Variants in GRTP1 observed in about 807,000 individuals in gnomAD.
The protein encoded by GRTP1 is growth hormone-regulated TBC protein 1.
A neutral mutation model predicts 38.1 loss-of-function variants in GRTP1; 56 were observed. That is an observed-to-expected ratio of 1.47 (90% CI 1.19 to 1.84). The LOEUF (loss-of-function observed/expected upper bound fraction) is 1.84, where lower values mean the gene tolerates loss of function less well. Among genes scored for constraint, GRTP1 ranks in the 40% most tolerant of loss-of-function variants. The pLI is 0.00. For synonymous variants in GRTP1, 217 were observed against 189.5 expected (o/e 1.14, Z -1.19); for missense variants, 506 against 453.9 (o/e 1.11, Z -1.04).
At chr13:113,335,812 G>A (rs1410718643) in intron 5 of GRTP1, among the ~76,000 whole-genome samples, 2 of 151,020 alleles carry the variant, frequency 1.3e-5, no homozygotes, top group East Asian at 3.9e-4. Flanking sequence ...TTCTTTTTGA[G>A]ATGGAGTCTT....
rs144154013 is a variant in GRTP1 at position 113,358,772 on chromosome 13, T to C, written c.182-3291A>G. Reference sequence around the variant, plus strand: ...AAAAAACACCAACAATATGAAGAGCTGGCAAGAATGTGGAGCAATTAGGAC... The same window carrying C: ...AAAAAACACCAACAATATGAAGAGCCGGCAAGAATGTGGAGCAATTAGGAC... On this transcript the variant is annotated intron_variant, in intron 2 of 7. Coordinates refer to ENST00000375431, the MANE Select transcript of GRTP1 (RefSeq NM_024719.4). 4.8e-3 allele frequency among the ~76,000 whole-genome samples: 729 copies of C among 152,320 alleles called. 20 individuals are homozygous for C. Among genetic ancestry groups the C allele is most frequent in the Admixed American group, 0.036 (556 of 15,294 alleles).
intron 7 of GRTP1, chr13:113,324,988 C>G (rs769916682): frequency 5.1e-4 from 291 of 575,624 alleles, no homozygotes; most frequent in Non-Finnish European, 6.0e-4. Flanking sequence ...GCCACCACAC[C>G]TGGCTAATTT....
At chr13:113,333,615 G>A (rs1013872947) in intron 5 of GRTP1, among the ~76,000 whole-genome samples, 17 of 151,472 alleles carry the variant, frequency 1.1e-4, no homozygotes, top group Admixed American at 3.3e-4. Context: ...GACAATTCTC[G>A]TGCCTCAGCC....
At chr13:113,335,413 ACT>A (rs1313509331) in intron 5 of GRTP1, among the ~76,000 whole-genome samples, 1 of 137,070 alleles carries the variant, frequency 7.3e-6, no homozygotes, top group African/African-American at 2.7e-5. Context: ...ACAGAGCGGG[ACT>A]CTGTCTCACA....
chr13:113,334,628 A>G (rs1399933691), intron 5 of GRTP1, among the ~76,000 whole-genome samples: 1 of 152,064 alleles, frequency 6.6e-6, no homozygotes, highest in African/African-American at 2.4e-5. Context: ...AAAGCACGTA[A>G]TCCTTCAGGC....
At chr13:113,360,273 G>C (rs1233292067) in intron 2 of GRTP1, 1 of 152,102 alleles carries the variant, frequency 6.6e-6, no homozygotes, top group African/African-American at 2.4e-5. Flanking sequence ...AAGGGCTCCT[G>C]GTGGATATTT....
chr13:113,361,149 A>G (rs1015368143), intron 2 of GRTP1, among the ~76,000 whole-genome samples: 11 of 151,254 alleles, frequency 7.3e-5, no homozygotes, highest in African/African-American at 2.4e-4. Flanking sequence ...AAAAAGAAGA[A>G]AGTTGTTACT....
At chr13:113,357,879 T>G (rs1270274075) in intron 2 of GRTP1, among the ~76,000 whole-genome samples, 2 of 152,026 alleles carry the variant, frequency 1.3e-5, no homozygotes, top group Non-Finnish European at 2.9e-5. Context: ...CACCTGGAAA[T>G]CATATATTTA....
intron 5 of GRTP1, among the ~76,000 whole-genome samples, chr13:113,331,989 C>T (rs2042877997): frequency 6.6e-6 from 1 of 151,034 alleles, no homozygotes; most frequent in Admixed American, 6.6e-5. Flanking sequence ...GTATTTTGGG[C>T]CGGGTGCCAT....
rs567613360 is a variant in GRTP1 at position 113,364,054 on chromosome 13, G to A, written c.-3C>T. 9.3e-6 allele frequency: 12 copies of A among 1,285,466 alleles called. No homozygotes were observed. The African/African-American group carries it at 1.6e-4, about 17-fold the overall frequency. 79.6% of individuals were successfully genotyped at this position (1,285,466 alleles called of 1,614,324 possible). ...CGCGAGCGCTCGGCGGGCTGCATGC[G>A]GGGAGGGAGGCGCGCACCGAGCGAG... On this transcript the variant is annotated 5_prime_UTR_variant, in exon 1 of 8. Coordinates refer to ENST00000375431, the MANE Select transcript of GRTP1 (RefSeq NM_024719.4).
rs752540541 is a variant in GRTP1 at position 113,325,988 on chromosome 13, G to A, written c.666C>T (p.Leu222=). The A allele has an allele frequency of 1.2e-5, 19 of 1,613,852 alleles. No individual in the cohort carries two copies. Among genetic ancestry groups the A allele is most frequent in the Admixed American group, 3.3e-5 (2 of 60,026 alleles). The part of the protein sequence containing the change: ...LPAVGALMER[L]GVLWTLLVSR... ...ACACCAGCAGCGTCCACAGCACACC[G>A]AGACGCTCCATCAGGGCCCCCACAG... The change falls in exon 6 of 8, where the codon CTC becomes CTT. Residue 222 remains leucine, a synonymous_variant. Transcript: ENST00000375431.
chr13:113,330,388 A>G (rs76516804), intron 5 of GRTP1, among the ~76,000 whole-genome samples: 30 of 91,366 alleles, frequency 3.3e-4, no homozygotes, highest in South Asian at 8.6e-4. Context: ...GTGTGCATGG[A>G]AGCCCAGGTG....
Position 113,350,699 on chromosome 13 carries a change from G to A in GRTP1, c.465+150C>T. On this transcript the variant is annotated intron_variant, in intron 4 of 7. Transcript: ENST00000375431. ...TGCTGCTCCCTGTCCTCCCTGCTGG[G>A]AAATGGCGTCCGAGCCTCAATGGGG... 8 of 727,130 alleles carry A rather than the reference G, an allele frequency of 1.1e-5. 1 individual carries two copies. The South Asian group carries it at 1.8e-4, about 16-fold the overall frequency. The allele number at this position is 727,130 out of a possible 1,614,324, so 45.0% of individuals were successfully genotyped here. A position where few individuals can be genotyped will look rare whatever the true frequency, so the allele number is the denominator to read the frequency against.
rs2043198728 is a variant in GRTP1, at chr13:113,348,003, G to A, written c.465+2846C>T. 6.6e-6 allele frequency among the ~76,000 whole-genome samples: 1 copy of A among 150,974 alleles called. No homozygotes were observed. The highest frequency in any genetic ancestry group is 2.4e-5 in the African/African-American group (1 of 40,842). The stretch of plus-strand genomic sequence containing the variant: ...GAGCAGACCTGGGAGGACCTGTGTG[G>A]CTGAGCGGACCTGGGAGGACCTGTC... On this transcript the variant is annotated intron_variant, in intron 4 of 7. Transcript: ENST00000375431. The surrounding 1 kb of genome is among the most constrained non-coding windows in gnomAD (Gnocchi z 4.8).
intron 5 of GRTP1, among the ~76,000 whole-genome samples, chr13:113,335,392 C>T (rs2042941413): frequency 1.3e-5 from 2 of 151,200 alleles, no homozygotes; most frequent in South Asian, 4.2e-4. Flanking sequence ...CATTGCACTC[C>T]AGCCTGAGAG....
chr13:113,363,973 C>A, intron 1 of GRTP1, 47 bp downstream of exon 1: 1 of 1,542,326 alleles, frequency 6.5e-7, no homozygotes. Context: ...CGCGGGCCCG[C>A]GCGGGGACCG....
chr13:113,339,001 C>T (rs1331421373), intron 5 of GRTP1, among the ~76,000 whole-genome samples: 1 of 150,090 alleles, frequency 6.7e-6, no homozygotes, highest in Non-Finnish European at 1.5e-5. Context: ...GCAACCTCTG[C>T]CTCCCAGGTT....
At chr13:113,331,739 T>C in intron 5 of GRTP1, among the ~76,000 whole-genome samples, 1 of 135,340 alleles carries the variant, frequency 7.4e-6, no homozygotes, top group African/African-American at 2.8e-5. Flanking sequence ...CACTGCAACC[T>C]CCGCCTCCCA....
Position 113,325,853 on chromosome 13 carries a change from A to G in GRTP1, c.736-7T>C, listed in dbSNP as rs2139386719. On this transcript the variant is annotated splice_polypyrimidine_tract_variant and splice_region_variant and intron_variant, in intron 6 of 7. Coordinates refer to ENST00000375431, the MANE Select transcript of GRTP1 (RefSeq NM_024719.4). ...CCCAGATCCGAAGCACTGTCTGCAG[A>G]GACATGGGAACCCGGTGTCACTCCC... 3 of 1,613,914 alleles carry G rather than the reference A, an allele frequency of 1.9e-6. No homozygotes were observed. The highest frequency in any genetic ancestry group is 2.5e-6 in the Non-Finnish European group (3 of 1,179,888).
Sources: allele counts gnomAD v4.1 joint callset (sites outside exome capture counted in the v4.1 genomes callset), GRCh38; gene constraint gnomAD v4.1.1; non-coding constraint Gnocchi (gnomAD v3.1); transcripts MANE v1.5; gene names NCBI Gene and HGNC (gene_info 2026-07-23, HGNC 2026-07-21).